Variants in MEI4 observed in about 807,000 individuals in gnomAD.
MEI4 encodes meiotic double-stranded break formation protein 4.
In MEI4, 27 loss-of-function variants were observed where a neutral mutation model predicts 31.4. That is an observed-to-expected ratio of 0.86 (90% CI 0.63 to 1.19). The LOEUF (loss-of-function observed/expected upper bound fraction) is 1.19, where lower values mean the gene tolerates loss of function less well. Ranked by LOEUF, MEI4 falls within the 50% of genes most tolerant of loss-of-function variation. MEI4 has a pLI of 0.00. For synonymous variants in MEI4, 122 were observed against 145.4 expected (o/e 0.84, Z 1.16); for missense variants, 329 against 398.9 (o/e 0.82, Z 1.49).
intron 4 of MEI4, among the ~76,000 whole-genome samples, chr6:77,866,258 G>C (rs1385645820): frequency 2.0e-5 from 3 of 151,864 alleles, no homozygotes; most frequent in African/African-American, 7.3e-5. Flanking sequence ...GGAAATAAAG[G>C]GTATTCAATT....
rs149319545 is a variant in MEI4 at position 77,749,602 on chromosome 6, A to T, written c.233-11528A>T. ...TGAAAAGAAACAAACAAAGCCTCCA[A>T]GAAATATGGGACTGTGTGAAAAGAA... On this transcript the variant is annotated intron_variant, in intron 2 of 4. Coordinates refer to ENST00000684080, the MANE Select transcript of MEI4 (RefSeq NM_001322247.2). Among the ~76,000 whole-genome samples the T allele has an allele frequency of 1.4e-3, 211 of 152,306 alleles. 1 individual carries two copies. Among genetic ancestry groups the T allele is most frequent in the African/African-American group, 4.4e-3 (185 of 41,584 alleles).
intron 3 of MEI4, among the ~76,000 whole-genome samples, chr6:77,803,643 G>A (rs1303196324): frequency 6.6e-6 from 1 of 152,144 alleles, no homozygotes; most frequent in East Asian, 1.9e-4. Flanking sequence ...CGTACAGATG[G>A]TGTTTTGGTG....
At chr6:77,919,366 A>AT (rs1398450672) in intron 4 of MEI4, among the ~76,000 whole-genome samples, 1 of 152,102 alleles carries the variant, frequency 6.6e-6, no homozygotes, top group East Asian at 1.9e-4. Flanking sequence ...GCTCAACTAC[A>AT]TGGAAACTGA....
chr6:77,743,186 C>T (rs1366270404), intron 2 of MEI4, among the ~76,000 whole-genome samples: 1 of 152,306 alleles, frequency 6.6e-6, no homozygotes, highest in Admixed American at 6.5e-5. Context: ...ATGGGGATAG[C>T]ATTGAATCTA....
At chr6:77,742,801 G>A (rs1767453005) in intron 2 of MEI4, among the ~76,000 whole-genome samples, 1 of 151,948 alleles carries the variant, frequency 6.6e-6, no homozygotes, top group South Asian at 2.1e-4. Context: ...TTTTGTATAA[G>A]GTGTAAGGAA....
intron 1 of MEI4, among the ~76,000 whole-genome samples, chr6:77,660,496 T>C (rs139502105): frequency 1.0e-3 from 152 of 151,382 alleles, no homozygotes; most frequent in African/African-American, 3.4e-3. Flanking sequence ...TTGTAAGTAG[T>C]TGAGAATGGA....
chr6:77,777,135 G>A (rs760218814), intron 3 of MEI4, among the ~76,000 whole-genome samples: 1 of 152,064 alleles, frequency 6.6e-6, no homozygotes, highest in Non-Finnish European at 1.5e-5. Context: ...TGATAGTAAA[G>A]AACTTTTTTA....
At chr6:77,726,511 A>T (rs1766825413) in intron 2 of MEI4, among the ~76,000 whole-genome samples, 1 of 152,194 alleles carries the variant, frequency 6.6e-6, no homozygotes, top group African/African-American at 2.4e-5. Flanking sequence ...ATCAATAAGC[A>T]GGGGTTTCTA....
chr6:77,795,187 C>T (rs1162962373), intron 3 of MEI4, among the ~76,000 whole-genome samples: 1 of 152,004 alleles, frequency 6.6e-6, no homozygotes, highest in Non-Finnish European at 1.5e-5. Flanking sequence ...AAGCCCAAAG[C>T]TAGCATAATG....
At chr6:77,865,903 T>G in intron 4 of MEI4, among the ~76,000 whole-genome samples, 1 of 152,124 alleles carries the variant, frequency 6.6e-6, no homozygotes, top group Non-Finnish European at 1.5e-5. Flanking sequence ...GCTTCATCCC[T>G]GGGATGCAAG....
intron 3 of MEI4, among the ~76,000 whole-genome samples, chr6:77,798,542 G>A (rs1294065649): frequency 6.6e-6 from 1 of 151,630 alleles, no homozygotes; most frequent in Admixed American, 6.6e-5. Flanking sequence ...TGCACATTGT[G>A]AAGGTTAGTT....
intron 2 of MEI4, among the ~76,000 whole-genome samples, chr6:77,712,380 T>C (rs935738642): frequency 2.6e-5 from 4 of 152,168 alleles, no homozygotes; most frequent in African/African-American, 4.8e-5. Flanking sequence ...ATGCTTTTTT[T>C]CCCCAACTAA....
intron 2 of MEI4, among the ~76,000 whole-genome samples, chr6:77,740,778 A>G (rs1163823800): frequency 2.6e-5 from 4 of 151,944 alleles, no homozygotes; most frequent in Non-Finnish European, 2.9e-5. Context: ...ACACATATTT[A>G]TATATTTATA....
At chr6:77,787,884 T>A (rs1047203023) in intron 3 of MEI4, among the ~76,000 whole-genome samples, 1 of 152,190 alleles carries the variant, frequency 6.6e-6, no homozygotes, top group Non-Finnish European at 1.5e-5. Flanking sequence ...GATAAGCTTT[T>A]TGATGTGCTG....
chr6:77,815,325 A>G (rs1198613072), intron 3 of MEI4, among the ~76,000 whole-genome samples: 2 of 152,116 alleles, frequency 1.3e-5, no homozygotes, highest in African/African-American at 4.8e-5. Context: ...TAATATCTGT[A>G]GCCATGGCAT....
chr6:77,709,774 C>T (rs2127659437), intron 2 of MEI4, among the ~76,000 whole-genome samples: 1 of 152,294 alleles, frequency 6.6e-6, no homozygotes, highest in South Asian at 2.1e-4. Context: ...AATTATATGG[C>T]ATTTTGCAAA....
intron 3 of MEI4, among the ~76,000 whole-genome samples, chr6:77,788,474 C>T (rs1239625643): frequency 1.3e-5 from 2 of 152,184 alleles, no homozygotes; most frequent in African/African-American, 4.8e-5. Context: ...TCCCTGTTTG[C>T]AGATTACTTG....
At chr6:77,852,585 G>GTTTTTT (rs58175580) in intron 4 of MEI4, among the ~76,000 whole-genome samples, 1 of 142,608 alleles carries the variant, frequency 7.0e-6, no homozygotes, top group African/African-American at 2.6e-5. Flanking sequence ...GTTGTTGTTT[G>GTTTTTT]TTTTTTTTTT....
intron 1 of MEI4, among the ~76,000 whole-genome samples, chr6:77,668,872 T>G (rs955890482): frequency 4.6e-5 from 7 of 152,300 alleles, no homozygotes; most frequent in Non-Finnish European, 1.0e-4. Flanking sequence ...TAGTGATATT[T>G]TCTGTGTTTT....
Sources: allele counts gnomAD v4.1 joint callset (sites outside exome capture counted in the v4.1 genomes callset), GRCh38; gene constraint gnomAD v4.1.1; transcripts MANE v1.5; gene names NCBI Gene and HGNC (gene_info 2026-07-23, HGNC 2026-07-21).